Variants in WDR17 observed in about 807,000 individuals in gnomAD.
WDR17 encodes the protein WD repeat domain 17.
Under a neutral mutation model 161.7 loss-of-function variants are expected in WDR17, and 143 were observed. The observed-to-expected ratio is 0.88, with a 90% CI of 0.77 to 1.02. The LOEUF is 1.02. WDR17 is among the 50% of genes least tolerant of loss of function. The pLI is 0.00. For missense variants in WDR17, 1,469 were observed against 1,520.9 expected, an observed-to-expected ratio of 0.97 and a Z score of 0.57; for synonymous variants, 517 against 515.6, an observed-to-expected ratio of 1.00 and a Z score of -0.04.
At chr4:176,115,648 A>T in intron 2 of WDR17, 148 bp from the exon 3 acceptor site, 1 of 497,488 alleles carries the variant, frequency 2.0e-6, no homozygotes, top group Non-Finnish European at 3.2e-6. Context: ...ACTTGAATGT[A>T]GACCAAGGCT....
chr4:176,171,137 C>T (rs1410445974), intron 23 of WDR17, among the ~76,000 whole-genome samples: 1 of 152,178 alleles, frequency 6.6e-6, no homozygotes, highest in Non-Finnish European at 1.5e-5. Flanking sequence ...TGCTTTTACA[C>T]TACCATAAAG....
chr4:176,125,246 A>G lies in WDR17; in HGVS notation c.681A>G (p.Val227=), dbSNP rs978551628. The part of the protein sequence containing the change: ...VVNLHYGIRL[V]DSESLSCITT... ...ATTTGCATTATGGAATTCGCCTGGT[A>G]GATTCTGAATCACTTTCTTGCATAA... Residue 227 remains valine, a synonymous_variant, in exon 5 of 29, where the codon GTA becomes GTG. Coordinates refer to ENST00000508596, the MANE Select transcript of WDR17 (RefSeq NM_181265.4). The G allele has an allele frequency of 1.9e-6, 3 of 1,614,046 alleles. No individual in the cohort carries two copies. In the African/African-American group the frequency reaches 4.0e-5, roughly 22 times the overall value.
At chr4:176,105,428 T>C (rs575858836) in intron 1 of WDR17, among the ~76,000 whole-genome samples, 64 of 152,214 alleles carry the variant, frequency 4.2e-4, no homozygotes, top group African/African-American at 1.5e-3. Context: ...TCTTCTTAAG[T>C]GCACATGGGA....
Position 176,097,732 on chromosome 4 carries a change from CACACACACAT to C in WDR17, c.-6-13833_-6-13824del, listed in dbSNP as rs1470035338. Among the ~76,000 whole-genome samples the C allele has an allele frequency of 5.3e-3, 698 of 131,702 alleles. 8 individuals are homozygous for C. The highest frequency in any genetic ancestry group is 0.018 in the African/African-American group (627 of 35,460). The allele number at this position is 131,702 out of a possible 152,430, so 86.4% of individuals were successfully genotyped here. A position where few individuals can be genotyped will look rare whatever the true frequency, so the allele number is the denominator to read the frequency against. ...TTCAAGCCCCACTTACACACACACA[CACACACACAT>C]ACACACACACACACACACACACACA... is the stretch of plus-strand genomic sequence containing the variant. On this transcript the variant is annotated intron_variant, in intron 1 of 28. Transcript: ENST00000508596.
At chr4:176,071,355 C>T (rs536333028) in intron 1 of WDR17, among the ~76,000 whole-genome samples, 1 of 143,206 alleles carries the variant, frequency 7.0e-6, no homozygotes, top group African/African-American at 2.5e-5. Context: ...CAGAGTCTCA[C>T]TCTGTCGCCC....
intron 11 of WDR17, among the ~76,000 whole-genome samples, chr4:176,143,493 G>A (rs183899506): frequency 1.1e-4 from 15 of 135,230 alleles, no homozygotes; most frequent in Non-Finnish European, 2.2e-4. Flanking sequence ...GTGAGACTTC[G>A]TCTCTTAAAA....
rs1751632510 is a variant in WDR17, at chr4:176,177,619, AT to A, written c.3699del (p.His1234ThrfsTer8). 1 of 1,597,036 alleles carries A rather than the reference AT, an allele frequency of 6.3e-7. No individual in the cohort carries two copies. The highest frequency in any genetic ancestry group is 1.4e-5 in the African/African-American group (1 of 73,812). ...ATCAAATCTTCCAAGTCATTCTGAT[AT>A]TCACATTTCTTGTCTTACGGGATTA... ...TGSNLPSHSD[I>X]HISCLTGLKI... On this transcript the variant is annotated frameshift_variant, in exon 28 of 29. Transcript: ENST00000508596. LOFTEE classifies it high-confidence loss of function.
intron 1 of WDR17, among the ~76,000 whole-genome samples, chr4:176,066,324 A>G (rs982941468): frequency 1.3e-5 from 2 of 152,184 alleles, no homozygotes; most frequent in Admixed American, 6.5e-5. Context: ...TATCTAAACT[A>G]CCATTGCAGT....
intron 1 of WDR17, chr4:176,096,519 T>C (rs1175902510): frequency 1.2e-5 from 19 of 1,603,188 alleles, no homozygotes; most frequent in Admixed American, 1.7e-5. Flanking sequence ...AGAAACATTC[T>C]ATGGCTTGGA....
At chr4:176,131,811 T>C (rs910179328) in intron 7 of WDR17, 73 bp downstream of exon 7, 1 of 1,152,442 alleles carries the variant, frequency 8.7e-7, no homozygotes, top group African/African-American at 1.6e-5. Flanking sequence ...CTTTTACCTG[T>C]CTGAATATTA....
At position 176,119,083 on chromosome 4, in the gene WDR17, G is replaced by A. The variant is rs1029272456; in HGVS notation, c.308-784G>A. 1.1e-4 allele frequency among the ~76,000 whole-genome samples: 16 copies of A among 152,148 alleles called. No homozygotes were observed. In the East Asian group the frequency reaches 3.1e-3, roughly 29 times the overall value. On this transcript the variant is annotated intron_variant, in intron 3 of 28. Transcript: ENST00000508596. ...GCAGCCAGCTAATATATCAGTGTTG[G>A]AAGATGTGCAATCTCTCTCTCATAA...
chr4:176,078,983 A>G (rs1269250307), intron 1 of WDR17, among the ~76,000 whole-genome samples: 1 of 152,014 alleles, frequency 6.6e-6, no homozygotes, highest in East Asian at 1.9e-4. Context: ...CCTTCTATAT[A>G]GCTGTAATTT....
chr4:176,090,901 G>A (rs540119598), intron 1 of WDR17, among the ~76,000 whole-genome samples: 169 of 152,338 alleles, frequency 1.1e-3, no homozygotes, highest in African/African-American at 3.9e-3. Context: ...GCTCTGGCTA[G>A]TTATCTGCAG....
At position 176,137,585 on chromosome 4, in the gene WDR17, G is replaced by A. The variant is rs1744619548; in HGVS notation, c.1333G>A (p.Gly445Ser). The part of the protein sequence containing the change: ...NGAFIWNVQK[G>S]KIIQRFNEHG... The stretch of plus-strand genomic sequence containing the variant: ...TGCTTTTATTTGGAATGTTCAAAAG[G>A]GCAAAATTATACAACGATTTAATGA... Residue 445 changes from glycine (G) to serine (S), a missense_variant, in exon 9 of 29, where the codon GGC becomes AGC. Coordinates refer to ENST00000508596, the MANE Select transcript of WDR17 (RefSeq NM_181265.4). 2 of 1,594,146 alleles carry A rather than the reference G, an allele frequency of 1.3e-6. No homozygotes were observed. Among genetic ancestry groups the A allele is most frequent in the Admixed American group, 1.7e-5 (1 of 59,276 alleles).
At chr4:176,142,592 C>T (rs1190336443) in intron 11 of WDR17, among the ~76,000 whole-genome samples, 1 of 152,154 alleles carries the variant, frequency 6.6e-6, no homozygotes, top group Admixed American at 6.5e-5. Flanking sequence ...AAATTACATC[C>T]AAGTCAAATC....
intron 1 of WDR17, among the ~76,000 whole-genome samples, chr4:176,075,116 A>G: frequency 6.6e-6 from 1 of 151,316 alleles, no homozygotes; most frequent in East Asian, 1.9e-4. Flanking sequence ...ATTTATAACT[A>G]CTCTTTTCAT....
At position 176,149,831 on chromosome 4, in the gene WDR17, C is replaced by T; in HGVS notation, c.1922C>T (p.Pro641Leu). 1 of 1,613,698 alleles carries T rather than the reference C, an allele frequency of 6.2e-7. No homozygotes were observed. Among genetic ancestry groups the T allele is most frequent in the Non-Finnish European group, 8.5e-7 (1 of 1,179,882 alleles). Residue 641 changes from proline (P) to leucine (L), a missense_variant, in exon 14 of 29, where the codon CCC becomes CTC. Coordinates refer to ENST00000508596, the MANE Select transcript of WDR17 (RefSeq NM_181265.4). ...VYGLTCHPSR[P>L]FTMASCSRDS... ...GGTTTAACCTGCCATCCCAGTCGCC[C>T]CTTCACTATGGCCTCTTGCTCCCGT...
rs1291755298 is a variant in WDR17 at position 176,174,607 on chromosome 4, T to G, written c.3348-10T>G. 6.3e-7 allele frequency: 1 copy of G among 1,585,342 alleles called. No individual in the cohort carries two copies. On this transcript the variant is annotated splice_polypyrimidine_tract_variant and intron_variant, in intron 25 of 28. Coordinates refer to ENST00000508596, the MANE Select transcript of WDR17 (RefSeq NM_181265.4). ...GTGGAATTTATAAAAATAAATATAT[T>G]CTCTTTTAGAGCTCGAAATGAGTTG...
intron 1 of WDR17, among the ~76,000 whole-genome samples, chr4:176,098,795 A>G (rs1205454788): frequency 2.0e-5 from 3 of 151,940 alleles, no homozygotes; most frequent in African/African-American, 4.8e-5. Context: ...ATTTAGAATC[A>G]TAGATTTTAA....
Sources: allele counts gnomAD v4.1 joint callset (sites outside exome capture counted in the v4.1 genomes callset), GRCh38; gene constraint gnomAD v4.1.1; transcripts MANE v1.5; gene names NCBI Gene and HGNC (gene_info 2026-07-23, HGNC 2026-07-21).